Variants in MFSD11 observed in about 807,000 individuals in gnomAD.
MFSD11 encodes the protein major facilitator superfamily domain containing 11, also known as UNC93-like protein MFSD11.
Under a neutral mutation model 53.5 loss-of-function variants are expected in MFSD11, and 36 were observed. The ratio of observed to expected loss-of-function variants is 0.67; its 90% CI spans 0.52 to 0.89. MFSD11 has a LOEUF of 0.89. Ranked by LOEUF, MFSD11 falls within the 40% of genes least tolerant of loss-of-function variation. MFSD11 has a pLI of 0.00. For missense variants in MFSD11, 530 were observed against 543.9 expected (o/e 0.97, Z 0.25); for synonymous variants, 186 against 184.9 (o/e 1.01, Z -0.05).
At position 76,752,363 on chromosome 17, in the gene MFSD11, C is replaced by T. The variant is rs984378189; in HGVS notation, c.642-1684C>T. ...TGATTTCAAGCACTCAGTAGTGTTT[C>T]GGCAGTAGTCTTGGTAAACTGGAAA... On this transcript the variant is annotated intron_variant, in intron 7 of 12. Coordinates refer to ENST00000685175, the MANE Select transcript of MFSD11 (RefSeq NM_001242532.5). 6.0e-5 allele frequency among the ~76,000 whole-genome samples: 9 copies of T among 150,550 alleles called. 1 individual carries two copies. The highest frequency in any genetic ancestry group is 9.8e-5 in the African/African-American group (4 of 40,904).
rs778161873 is a variant in MFSD11, at chr17:76,767,414, G to C, written c.711G>C (p.Lys237Asn). ...FKKSFKLCVTKEMLLLSITTA... is the reference protein window; with the variant it reads ...FKKSFKLCVTNEMLLLSITTA... Reference sequence around the variant, plus strand: ...AGTCTTTTAAGTTATGTGTCACCAAGGAGATGCTCCTTCTTAGTATTACAA... The same window carrying C: ...AGTCTTTTAAGTTATGTGTCACCAACGAGATGCTCCTTCTTAGTATTACAA... Residue 237 changes from lysine (K) to asparagine (N), a missense_variant, in exon 9 of 13, where the codon AAG becomes AAC. Lys to Asn is a moderately conservative substitution (Grantham distance 94, BLOSUM62 0). Transcript: ENST00000685175. The C allele has an allele frequency of 5.6e-6, 9 of 1,602,906 alleles. No individual in the cohort carries two copies. The highest frequency in any genetic ancestry group is 7.7e-6 in the Non-Finnish European group (9 of 1,170,838).
At chr17:76,752,074 TCTG>T (rs1191692990) in intron 7 of MFSD11, among the ~76,000 whole-genome samples, 7 of 152,334 alleles carry the variant, frequency 4.6e-5, no homozygotes, top group Admixed American at 2.6e-4. Context: ...GAAGGAAATG[TCTG>T]CTTTGTGAAA....
chr17:76,737,495 C>G (rs1485563826), upstream of MFSD11: 1 of 320,714 alleles, frequency 3.1e-6, no homozygotes, highest in Non-Finnish European at 5.7e-6. Context: ...GCCCGGCGGG[C>G]GGGCCAAAAA....
chr17:76,738,377 T>G lies in MFSD11; in HGVS notation c.25T>G (p.Phe9Val). 1.2e-6 allele frequency: 2 copies of G among 1,614,178 alleles called. No individual in the cohort carries two copies. Among genetic ancestry groups the G allele is most frequent in the Non-Finnish European group, 1.7e-6 (2 of 1,179,982 alleles). Reference sequence around the variant, plus strand: ...AATGTCCCCGGAATCTAAAAAGCTTTTCAACATCATTATTTTAGGAGTTGC... The same window carrying G: ...AATGTCCCCGGAATCTAAAAAGCTTGTCAACATCATTATTTTAGGAGTTGC... Reference protein sequence around the residue: MSPESKKLFNIIILGVAFM... With the variant: MSPESKKLVNIIILGVAFM... The change falls in exon 1 of 13, where the codon TTC becomes GTC. Residue 9 changes from phenylalanine to valine, a missense_variant. Transcript: ENST00000685175.
the MFSD11 span, among the ~76,000 whole-genome samples, chr17:76,801,597 C>T: frequency 6.6e-6 from 1 of 151,916 alleles, no homozygotes; most frequent in Non-Finnish European, 1.5e-5. Context: ...CAGTCATGCA[C>T]CACCACGCCT....
chr17:76,767,092 TTTG>T (rs1313445783), intron 8 of MFSD11: 1 of 294,688 alleles, frequency 3.4e-6, no homozygotes, highest in African/African-American at 2.2e-5. Context: ...TTTGAAGTAC[TTTG>T]TTGTTTTGTT....
At chr17:76,798,552 T>C in the MFSD11 span, among the ~76,000 whole-genome samples, 1 of 152,148 alleles carries the variant, frequency 6.6e-6, no homozygotes, top group African/African-American at 2.4e-5. Flanking sequence ...GAGAGGCTCA[T>C]AACAACCAAA....
At chr17:76,799,866 C>T in the MFSD11 span, among the ~76,000 whole-genome samples, 2 of 152,000 alleles carry the variant, frequency 1.3e-5, no homozygotes, top group Non-Finnish European at 2.9e-5. Context: ...CATCTCATAC[C>T]CCCTTTCCCC....
intron 7 of MFSD11, among the ~76,000 whole-genome samples, chr17:76,751,579 A>T (rs2079054629): frequency 6.6e-6 from 1 of 151,506 alleles, no homozygotes; most frequent in Non-Finnish European, 1.5e-5. Flanking sequence ...GCATGCCTGT[A>T]GTCCCAGTTA....
chr17:76,795,174 A>G, the MFSD11 span, among the ~76,000 whole-genome samples: 605 of 151,844 alleles, frequency 4.0e-3, 5 homozygotes, highest in African/African-American at 0.014. Flanking sequence ...TTTACATTGT[A>G]TTAGGTATTG....
Position 76,778,341 on chromosome 17 carries a change from C to G in MFSD11, c.1339C>G (p.Arg447Gly). Residue 447 changes from arginine to glycine, a missense_variant, in exon 13 of 13, where the codon CGA (arginine) becomes GGA (glycine). Transcript: ENST00000685175. ...AAFVARGSDY[R>G]SI ...CTTTGTAGCCCGCGGCTCTGACTAC[C>G]GAAGTATCTGATCTGGTGTCCGTGA... 3 of 1,614,132 alleles carry G rather than the reference C, an allele frequency of 1.9e-6. No individual in the cohort carries two copies. Among genetic ancestry groups the G allele is most frequent in the Non-Finnish European group, 2.5e-6 (3 of 1,180,028 alleles).
intron 8 of MFSD11, chr17:76,767,134 G>T: frequency 2.7e-6 from 1 of 368,900 alleles, no homozygotes; most frequent in Admixed American, 4.8e-5. Context: ...TCCTTTTCAT[G>T]TTTTTGTTAT....
chr17:76,793,539 G>A, the MFSD11 span, among the ~76,000 whole-genome samples: 1 of 151,254 alleles, frequency 6.6e-6, no homozygotes, highest in African/African-American at 2.5e-5. Context: ...TCTACAATTT[G>A]TGCAGTTAAC....
intron 8 of MFSD11, among the ~76,000 whole-genome samples, chr17:76,754,407 G>A (rs927119035): frequency 2.0e-5 from 3 of 152,274 alleles, no homozygotes; most frequent in East Asian, 3.9e-4. Context: ...TTGTGGCTGC[G>A]CGCAGTGACT....
At chr17:76,796,714 T>C in the MFSD11 span, among the ~76,000 whole-genome samples, 85 of 151,298 alleles carry the variant, frequency 5.6e-4, no homozygotes, top group African/African-American at 2.0e-3. Context: ...GGCTCATGCC[T>C]GTAATCCCAG....
At position 76,742,231 on chromosome 17, in the gene MFSD11, T is replaced by C. The variant is rs2078154281; in HGVS notation, c.395T>C (p.Ile132Thr). The change falls in exon 5 of 13, where the codon ATT (isoleucine) becomes ACT (threonine). Residue 132 changes from isoleucine (I) to threonine (T), a missense_variant. By Grantham distance (89) the Ile-to-Thr change is moderately conservative. Transcript: ENST00000685175. ...CLTINSDEHS[I>T]GRNSGIFWAL... The stretch of plus-strand genomic sequence containing the variant: ...ACAATCAATTCGGATGAGCACAGCA[T>C]TGGGAGAAACAGTGGGATTTTCTGG... 2 of 1,614,186 alleles carry C rather than the reference T, an allele frequency of 1.2e-6. No individual in the cohort carries two copies. The highest frequency in any genetic ancestry group is 1.7e-6 in the Non-Finnish European group (2 of 1,180,026).
chr17:76,746,208 T>G (rs1014606153), intron 7 of MFSD11, among the ~76,000 whole-genome samples: 9 of 152,228 alleles, frequency 5.9e-5, no homozygotes, highest in African/African-American at 1.2e-4. Context: ...CACAACATTC[T>G]CTGAAGCCTA....
At chr17:76,799,124 G>A in the MFSD11 span, 5 of 152,004 alleles carry the variant, frequency 3.3e-5, no homozygotes, top group East Asian at 7.7e-4. Flanking sequence ...TTAAAACTTA[G>A]GGAACTCTTG....
intron 8 of MFSD11, among the ~76,000 whole-genome samples, chr17:76,766,654 G>A (rs994372149): frequency 2.6e-5 from 4 of 152,044 alleles, no homozygotes; most frequent in Admixed American, 1.3e-4. Flanking sequence ...AGAGATTTAG[G>A]CCAGTGTTTG....
Sources: gnomAD v4.1 joint callset for allele counts (sites outside exome capture counted in the v4.1 genomes callset) on GRCh38, gnomAD v4.1.1 for gene constraint, MANE v1.5 for transcripts, NCBI Gene and HGNC (gene_info 2026-07-23, HGNC 2026-07-21) for gene names.